WASL: variants seen among roughly 807,000 people sequenced by gnomAD.
WASL encodes the protein actin nucleation-promoting factor WASL.
In WASL, 20 loss-of-function variants were observed where a neutral mutation model predicts 55.5. That is an observed-to-expected ratio of 0.36 (90% CI 0.25 to 0.52). The LOEUF is 0.52. WASL is among the 20% of genes least tolerant of loss of function. The pLI, the probability that WASL is intolerant of heterozygous loss-of-function variation, is 0.92. For synonymous variants in WASL, 249 were observed against 217.6 expected (o/e 1.14, Z -1.27); for missense variants, 504 against 622.5 (o/e 0.81, Z 2.03).
At chr7:123,684,626 A>T (rs926617701) in intron 10 of WASL, 46 bp from the exon 11 acceptor site, 1 of 1,483,328 alleles carries the variant, frequency 6.7e-7, no homozygotes, top group African/African-American at 1.4e-5. Flanking sequence ...AAATAAAATG[A>T]CATTACATAA....
chr7:123,721,406 A>C (rs1449708622), intron 1 of WASL, among the ~76,000 whole-genome samples: 1 of 152,202 alleles, frequency 6.6e-6, no homozygotes, highest in Non-Finnish European at 1.5e-5. Flanking sequence ...TTTTGAAGGC[A>C]TAAGGTAAAG....
intron 10 of WASL, among the ~76,000 whole-genome samples, chr7:123,685,739 T>C (rs896648019): frequency 3.3e-5 from 5 of 151,496 alleles, no homozygotes; most frequent in African/African-American, 7.3e-5. Context: ...AATATTTAGT[T>C]ATCAGATTTT....
chr7:123,722,248 G>A (rs1308402467), intron 1 of WASL, among the ~76,000 whole-genome samples: 2 of 152,108 alleles, frequency 1.3e-5, no homozygotes, highest in Non-Finnish European at 2.9e-5. Context: ...GAAAGTCCTA[G>A]GGATAATCTC....
intron 1 of WASL, among the ~76,000 whole-genome samples, chr7:123,729,008 A>T (rs996928868): frequency 2.6e-5 from 4 of 152,134 alleles, no homozygotes; most frequent in African/African-American, 9.7e-5. Context: ...TTTGGACAAA[A>T]ATGTTAATAA....
rs114671530 is a variant in WASL, at chr7:123,718,295, G to C, written c.118-9072C>G. Among the ~76,000 whole-genome samples, 514 of 152,254 alleles carry C rather than the reference G, an allele frequency of 3.4e-3. 3 individuals are homozygous for C. The highest frequency in any genetic ancestry group is 0.012 in the African/African-American group (500 of 41,554). On this transcript the variant is annotated intron_variant, in intron 1 of 10. Transcript: ENST00000223023. Reference sequence around the variant, plus strand: ...AGGCCACAAAACCTGGATTAGCCTTGCTTGGGGTGAGAAAATGATGCATCA... The same window carrying C: ...AGGCCACAAAACCTGGATTAGCCTTCCTTGGGGTGAGAAAATGATGCATCA...
intron 9 of WASL, among the ~76,000 whole-genome samples, chr7:123,691,093 T>G (rs1483845601): frequency 2.6e-5 from 4 of 152,196 alleles, no homozygotes; most frequent in Non-Finnish European, 4.4e-5. Context: ...TATGCTAATG[T>G]TTACATGTTT....
chr7:123,726,918 T>C (rs1226111182), intron 1 of WASL, among the ~76,000 whole-genome samples: 1 of 152,102 alleles, frequency 6.6e-6, no homozygotes, highest in Admixed American at 6.6e-5. Context: ...AGAAAATATC[T>C]GAAGTACGTA....
At chr7:123,705,652 A>C (rs1252875356) in intron 4 of WASL, among the ~76,000 whole-genome samples, 1 of 152,200 alleles carries the variant, frequency 6.6e-6, no homozygotes, top group Non-Finnish European at 1.5e-5. Flanking sequence ...TTGTCAAGTA[A>C]TAGTTCTACT....
intron 1 of WASL, among the ~76,000 whole-genome samples, chr7:123,735,329 A>C (rs1804207498): frequency 6.6e-6 from 1 of 151,816 alleles, no homozygotes; most frequent in Non-Finnish European, 1.5e-5. Context: ...TAAAAGAGTC[A>C]AGGTAAATTT....
chr7:123,737,596 C>CA (rs34669724), intron 1 of WASL, among the ~76,000 whole-genome samples: 2,578 of 72,570 alleles, frequency 0.036, 128 homozygotes, highest in African/African-American at 0.11. Flanking sequence ...CTCCGTCTCC[C>CA]AAAAAAAAAA....
At chr7:123,748,563 A>G in intron 1 of WASL, 55 bp downstream of exon 1, 3 of 1,571,672 alleles carry the variant, frequency 1.9e-6, no homozygotes, top group Non-Finnish European at 2.6e-6. Context: ...CCGGCCCCCA[A>G]GCCCGGGCCC....
At chr7:123,732,846 G>C (rs1804163323) in intron 1 of WASL, among the ~76,000 whole-genome samples, 1 of 152,030 alleles carries the variant, frequency 6.6e-6, no homozygotes, top group South Asian at 2.1e-4. Context: ...TCAAAACCAA[G>C]TGAAATTTAT....
chr7:123,712,668 G>A (rs1454457246), intron 1 of WASL, among the ~76,000 whole-genome samples: 2 of 152,018 alleles, frequency 1.3e-5, no homozygotes, highest in Non-Finnish European at 2.9e-5. Context: ...ATGACCCTTA[G>A]CTCTCTTTCA....
chr7:123,732,356 T>TA (rs909155644), intron 1 of WASL, among the ~76,000 whole-genome samples: 5 of 151,466 alleles, frequency 3.3e-5, no homozygotes, highest in Non-Finnish European at 5.9e-5. Context: ...AAAATAAAAA[T>TA]AAAAAAAGAA....
chr7:123,742,964 G>A (rs529016140), intron 1 of WASL, among the ~76,000 whole-genome samples: 52 of 152,278 alleles, frequency 3.4e-4, no homozygotes, highest in Non-Finnish European at 6.9e-4. Context: ...TAGTTAAACT[G>A]ATTAAGCATT....
intron 1 of WASL, among the ~76,000 whole-genome samples, chr7:123,712,375 A>C (rs1205324751): frequency 6.6e-6 from 1 of 152,164 alleles, no homozygotes; most frequent in Non-Finnish European, 1.5e-5. Flanking sequence ...TAAAAACTAC[A>C]TGTTCTGATT....
At chr7:123,705,959 AG>A (rs1230991669) in intron 4 of WASL, among the ~76,000 whole-genome samples, 1 of 152,184 alleles carries the variant, frequency 6.6e-6, no homozygotes, top group Admixed American at 6.6e-5. Context: ...TCAACAAAAA[AG>A]GTTATTGTAT....
At chr7:123,691,561 G>A (rs1803408599) in intron 9 of WASL, among the ~76,000 whole-genome samples, 1 of 152,142 alleles carries the variant, frequency 6.6e-6, no homozygotes, top group Non-Finnish European at 1.5e-5. Flanking sequence ...TGTCTGTGGT[G>A]CTTCTGCGGT....
chr7:123,724,070 C>G (rs1219792336), intron 1 of WASL, among the ~76,000 whole-genome samples: 2 of 152,088 alleles, frequency 1.3e-5, no homozygotes, highest in Admixed American at 1.3e-4. Flanking sequence ...TAATAGCTCC[C>G]CCTTCCCAAG....
Sources: gnomAD v4.1 joint callset for allele counts (sites outside exome capture counted in the v4.1 genomes callset) on GRCh38, gnomAD v4.1.1 for gene constraint, MANE v1.5 for transcripts, NCBI Gene and HGNC (gene_info 2026-07-23, HGNC 2026-07-21) for gene names.